Variants in HMCN2 observed in about 807,000 individuals in gnomAD.
HMCN2 encodes hemicentin 2.
Under a neutral mutation model 377.5 loss-of-function variants are expected in HMCN2, and 325 were observed. That is an observed-to-expected ratio of 0.86 (90% CI 0.79 to 0.94). The LOEUF (loss-of-function observed/expected upper bound fraction) is 0.94, where lower values mean the gene tolerates loss of function less well. HMCN2 is among the 40% of genes least tolerant of loss of function. HMCN2 has a pLI of 0.00. For missense variants in HMCN2, 4,543 were observed against 4,725.3 expected (o/e 0.96, Z 1.13); for synonymous variants, 2,007 against 2,046.8 (o/e 0.98, Z 0.53).
At chr9:130,340,224 C>T (rs955361447) in intron 23 of HMCN2, among the ~76,000 whole-genome samples, 13 of 152,244 alleles carry the variant, frequency 8.5e-5, no homozygotes, top group African/African-American at 3.1e-4. Flanking sequence ...GAGGGAAGGA[C>T]GGGGCAGCGG....
At chr9:130,427,229 G>C in intron 90 of HMCN2, 84 bp from the exon 91 acceptor site, 1 of 1,389,606 alleles carries the variant, frequency 7.2e-7, no homozygotes, top group Non-Finnish European at 1.0e-6. Context: ...GGCAGTGGGG[G>C]AGCTGTGAGC....
intron 75 of HMCN2, among the ~76,000 whole-genome samples, chr9:130,399,169 C>G (rs999847193): frequency 6.6e-6 from 1 of 151,302 alleles, no homozygotes; most frequent in Non-Finnish European, 1.5e-5. Flanking sequence ...GGGAGGATCC[C>G]CTGAGCCTGG....
At chr9:130,277,483 T>C (rs1834757402) in intron 1 of HMCN2, among the ~76,000 whole-genome samples, 1 of 152,188 alleles carries the variant, frequency 6.6e-6, no homozygotes, top group South Asian at 2.1e-4. Flanking sequence ...GGACTCTCAT[T>C]TCTACTGCTT....
intron 45 of HMCN2, 57 bp from the exon 46 acceptor site, chr9:130,370,907 G>A (rs1320934613): frequency 1.0e-6 from 1 of 963,546 alleles, no homozygotes; most frequent in Non-Finnish European, 1.2e-6. Context: ...TGGGGAAGGA[G>A]CATGAAGCAC....
intron 4 of HMCN2, among the ~76,000 whole-genome samples, chr9:130,287,895 G>A (rs1368401269): frequency 1.3e-5 from 2 of 152,190 alleles, no homozygotes; most frequent in Non-Finnish European, 2.9e-5. Context: ...GGTTTTGTGT[G>A]TGTATATTTA....
At chr9:130,384,636 T>A in intron 58 of HMCN2, 49 bp from the exon 59 acceptor site, 1 of 1,301,080 alleles carries the variant, frequency 7.7e-7, no homozygotes, top group Non-Finnish European at 1.0e-6. Context: ...GATTTAGGAC[T>A]GGGGGCTGGG....
chr9:130,424,742 C>G, intron 87 of HMCN2, 34 bp from the exon 88 acceptor site: 1 of 1,506,716 alleles, frequency 6.6e-7, no homozygotes, highest in Non-Finnish European at 8.9e-7. Flanking sequence ...TGAGGATCAG[C>G]TCTAACCCGG....
At position 130,390,405 on chromosome 9, in the gene HMCN2, C is replaced by T. The variant is rs1038230062; in HGVS notation, c.9524-572C>T. On this transcript the variant is annotated intron_variant, in intron 62 of 97. Transcript: ENST00000683500. ...CCCTCATCTTGATTCCCAGGCTCTG[C>T]GCTGGACATGGGGCAGTTGCTCGTG... Among the ~76,000 whole-genome samples, 7 of 152,320 alleles carry T rather than the reference C, an allele frequency of 4.6e-5. 1 individual carries two copies. The highest frequency in any genetic ancestry group is 9.6e-5 in the African/African-American group (4 of 41,586).
intron 1 of HMCN2, among the ~76,000 whole-genome samples, chr9:130,283,608 A>G (rs1232634916): frequency 1.3e-5 from 2 of 152,080 alleles, no homozygotes; most frequent in East Asian, 3.8e-4. Flanking sequence ...TCCTCAGGCA[A>G]CCTCTGTTCT....
intron 5 of HMCN2, 124 bp from the exon 6 acceptor site, chr9:130,295,542 C>T: frequency 2.9e-6 from 1 of 347,788 alleles, no homozygotes; most frequent in South Asian, 2.1e-5. Context: ...CCACCAAGAC[C>T]CCTTGTCACT....
In HMCN2 at chr9:130,374,507, C is replaced by A. The variant is rs1285671779; in HGVS notation, c.7444C>A (p.Pro2482Thr). 16 of 985,752 alleles carry A rather than the reference C, an allele frequency of 1.6e-5. No individual in the cohort carries two copies. Among genetic ancestry groups the A allele is most frequent in the Non-Finnish European group, 1.8e-5 (15 of 830,002 alleles). 61.1% of individuals were successfully genotyped at this position (985,752 alleles called of 1,614,324 possible). A position where few individuals can be genotyped will look rare whatever the true frequency, so the allele number is the denominator to read the frequency against. ...AHLMCNVTGH[P>T]QPKLTWFKDG... ...ATTCTCTGCTCTGCATACAGGCCAC[C>A]CACAGCCCAAGCTCACATGGTTCAA... is the stretch of plus-strand genomic sequence containing the variant. Residue 2482 changes from proline to threonine, a missense_variant, in exon 49 of 98, where the codon CCA becomes ACA. Transcript: ENST00000683500.
At chr9:130,384,611 C>G in intron 58 of HMCN2, 74 bp from the exon 59 acceptor site, 1 of 1,300,488 alleles carries the variant, frequency 7.7e-7, no homozygotes, top group South Asian at 1.2e-5. Flanking sequence ...GGGACAGGGC[C>G]GTCAGTCGTG....
At position 130,433,933 on chromosome 9, in the gene HMCN2, C is replaced by T. The variant is rs1844930748; in HGVS notation, c.*240C>T. On this transcript the variant is annotated 3_prime_UTR_variant, in exon 98 of 98. Transcript: ENST00000683500. Reference sequence around the variant, plus strand: ...GGTGGCCAGTCCCGCAGGCAGGGCCCGGGGAAGCCCGGATCAGACCTCCAG... The same window carrying T: ...GGTGGCCAGTCCCGCAGGCAGGGCCTGGGGAAGCCCGGATCAGACCTCCAG... The T allele has an allele frequency of 2.3e-6, 1 of 433,450 alleles. No homozygotes were observed. The highest frequency in any genetic ancestry group is 4.0e-6 in the Non-Finnish European group (1 of 247,820). The allele number at this position is 433,450 out of a possible 1,614,324, so 26.9% of individuals were successfully genotyped here.
intron 76 of HMCN2, 60 bp downstream of exon 76, chr9:130,399,692 T>C (rs1048974960): frequency 5.9e-6 from 7 of 1,189,584 alleles, no homozygotes; most frequent in Non-Finnish European, 6.6e-6. Context: ...TTCCCGCTCT[T>C]GGGTGCTCTC....
intron 4 of HMCN2, among the ~76,000 whole-genome samples, chr9:130,289,649 T>C (rs1464698265): frequency 2.0e-5 from 3 of 152,116 alleles, no homozygotes; most frequent in African/African-American, 7.2e-5. Context: ...GAGTTCACGA[T>C]GGCTAAATGC....
chr9:130,294,691 TG>T (rs1262101718), intron 4 of HMCN2, among the ~76,000 whole-genome samples, 163 bp from the exon 5 acceptor site: 1 of 152,188 alleles, frequency 6.6e-6, no homozygotes, highest in East Asian at 1.9e-4. Flanking sequence ...TTGGAGCCTA[TG>T]GAAGCCAGGA....
At position 130,347,173 on chromosome 9, in the gene HMCN2, C is replaced by A; in HGVS notation, c.3837C>A (p.Pro1279=). The A allele has an allele frequency of 6.6e-6, 1 of 152,360 alleles. No homozygotes were observed. The allele number at this position is 152,360 out of a possible 1,614,324, so 9.4% of individuals were successfully genotyped here. Residue 1279 remains proline (P), a synonymous_variant, in exon 26 of 98, where the codon CCC becomes CCA. Transcript: ENST00000683500. The surrounding 1 kb of genome is among the most constrained non-coding windows in gnomAD (Gnocchi z 5.1). ...ASLPCPARGT[P]KPQVTWRKGP... is the part of the protein sequence containing the mutation. ...CTCCATGCACCCTGCCAGGAACGCC[C>A]AAGCCGCAGGTCACATGGAGGAAGG...
intron 1 of HMCN2, among the ~76,000 whole-genome samples, chr9:130,281,617 G>C (rs1403764379): frequency 6.9e-6 from 1 of 143,988 alleles, no homozygotes; most frequent in African/African-American, 2.6e-5. Context: ...AAGGACTGGC[G>C]CACTGGCTCA....
At chr9:130,398,502 A>C in intron 74 of HMCN2, 49 bp from the exon 75 acceptor site, 1 of 1,045,412 alleles carries the variant, frequency 9.6e-7, no homozygotes, top group Non-Finnish European at 1.2e-6. Flanking sequence ...GAGAGCCCCC[A>C]GCCCCTGTGC....
Sources: allele counts gnomAD v4.1 joint callset (sites outside exome capture counted in the v4.1 genomes callset), GRCh38; gene constraint gnomAD v4.1.1; non-coding constraint Gnocchi (gnomAD v3.1); transcripts MANE v1.5; gene names NCBI Gene and HGNC (gene_info 2026-07-23, HGNC 2026-07-21).